The following EIF2AK4 variants were observed in gnomAD, a reference collection of about 807,000 sequenced individuals.
EIF2AK4 encodes eukaryotic translation initiation factor 2 alpha kinase 4, also known as eIF-2-alpha kinase GCN2.
A neutral mutation model predicts 211.1 loss-of-function variants in EIF2AK4; 139 were observed. The ratio of observed to expected loss-of-function variants is 0.66; its 90% CI spans 0.57 to 0.76. The LOEUF (loss-of-function observed/expected upper bound fraction) is 0.76. Among genes scored for constraint, EIF2AK4 ranks in the 30% least tolerant of loss-of-function variants. EIF2AK4 has a pLI of 0.00. For synonymous variants in EIF2AK4, 710 were observed against 751.3 expected (o/e 0.94, Z 0.90); for missense variants, 1,664 against 2,043.8 (o/e 0.81, Z 3.58).
At position 40,017,551 on chromosome 15, in the gene EIF2AK4, A is replaced by ATATATATATATATATG. The variant is rs71132134; in HGVS notation, c.4065+312_4065+313insATATATATATATGTAT. Reference sequence around the variant, plus strand: ...TATATATATATATATATATATATATATATGTATTTTGGAGACAGGGCCTTG... The same window carrying ATATATATATATATATG: ...TATATATATATATATATATATATATATATATATATATATATGTATGTATTTTGGAGACAGGGCCTTG... On this transcript the variant is annotated intron_variant, in intron 29 of 38. Transcript: ENST00000263791. 4.6e-4 allele frequency among the ~76,000 whole-genome samples: 40 copies of ATATATATATATATATG among 86,948 alleles called. 2 individuals are homozygous for ATATATATATATATATG. Among genetic ancestry groups the ATATATATATATATATG allele is most frequent in the South Asian group, 7.2e-4 (2 of 2,786 alleles). 57.0% of individuals were successfully genotyped at this position (86,948 alleles called of 152,430 possible). A position where few individuals can be genotyped will look rare whatever the true frequency, so the allele number is the denominator to read the frequency against.
Position 39,946,834 on chromosome 15 carries a change from G to A in EIF2AK4, c.361-2282G>A, listed in dbSNP as rs139693039. On this transcript the variant is annotated intron_variant, in intron 3 of 38. Transcript: ENST00000263791. ...CCTCTGTCTGCAAAAAGATTATGAC[G>A]TCCTGAAGGTTCAGATGATCATTAG... 8.9e-3 allele frequency: 5,213 copies of A among 584,340 alleles called. 103 individuals carry two copies. The highest frequency in any genetic ancestry group is 6.2e-3 in the Non-Finnish European group (2,038 of 329,034). 36.2% of individuals were successfully genotyped at this position (584,340 alleles called of 1,614,324 possible).
At chr15:39,987,906 G>T in intron 14 of EIF2AK4, 77 bp from the exon 15 acceptor site, 1 of 1,521,398 alleles carries the variant, frequency 6.6e-7, no homozygotes, top group Non-Finnish European at 9.0e-7. Context: ...TAAAATGGAG[G>T]ATTATGTAAA....
intron 3 of EIF2AK4, among the ~76,000 whole-genome samples, chr15:39,944,493 G>A (rs186582135): frequency 2.1e-5 from 3 of 141,314 alleles, no homozygotes; most frequent in South Asian, 2.3e-4. Context: ...GTGCAATGGC[G>A]CAATCTCGGC....
At chr15:39,946,743 C>A in intron 3 of EIF2AK4, 2 of 680,372 alleles carry the variant, frequency 2.9e-6, no homozygotes. Context: ...TAAGAAATTG[C>A]CGCAACCACC....
chr15:40,025,165 C>G (rs1413381780), intron 32 of EIF2AK4, among the ~76,000 whole-genome samples: 1 of 152,168 alleles, frequency 6.6e-6, no homozygotes, highest in Non-Finnish European at 1.5e-5. Context: ...GGCAGGCCAG[C>G]AGAGAACCAT....
At chr15:39,986,821 CT>C (rs200078670) in intron 14 of EIF2AK4, among the ~76,000 whole-genome samples, 4,314 of 152,316 alleles carry the variant, frequency 0.028, 72 homozygotes, top group African/African-American at 0.039. Flanking sequence ...CATCATTGCA[CT>C]CCAGCTTGGG....
At chr15:39,946,762 C>T (rs564586065) in intron 3 of EIF2AK4, 4 of 660,358 alleles carry the variant, frequency 6.1e-6, no homozygotes, top group African/African-American at 3.5e-5. Context: ...CCCCAGCCTT[C>T]ACCAGCCACC....
chr15:39,962,840 A>G (rs2034491827), intron 7 of EIF2AK4, among the ~76,000 whole-genome samples: 1 of 152,214 alleles, frequency 6.6e-6, no homozygotes, highest in African/African-American at 2.4e-5. Flanking sequence ...CCCTAAATGT[A>G]TGTCATCTTT....
chr15:40,007,535 C>A (rs2035177979), intron 24 of EIF2AK4, among the ~76,000 whole-genome samples: 2 of 152,178 alleles, frequency 1.3e-5, no homozygotes, highest in Non-Finnish European at 2.9e-5. Context: ...GACCTCCAGG[C>A]ACTTAGCCCT....
chr15:39,994,284 T>A (rs2034989990), intron 18 of EIF2AK4, among the ~76,000 whole-genome samples: 1 of 152,224 alleles, frequency 6.6e-6, no homozygotes, highest in Admixed American at 6.5e-5. Flanking sequence ...ATGAGATCAC[T>A]TAGGGCAAGA....
At position 40,011,273 on chromosome 15, in the gene EIF2AK4, C is replaced by A; in HGVS notation, c.3694-8C>A. 6.2e-7 allele frequency: 1 copy of A among 1,612,802 alleles called. No homozygotes were observed. Among genetic ancestry groups the A allele is most frequent in the South Asian group, 1.1e-5 (1 of 90,804 alleles). On this transcript the variant is annotated splice_polypyrimidine_tract_variant and splice_region_variant and intron_variant, in intron 26 of 38. Transcript: ENST00000263791. The stretch of plus-strand genomic sequence containing the variant: ...GACTCTCATTGTTACCTTTTTCTTC[C>A]ACGTTAGACAGAGAAGCTGACGAGG...
intron 35 of EIF2AK4, among the ~76,000 whole-genome samples, chr15:40,031,584 C>T (rs555880811): frequency 3.9e-5 from 6 of 152,256 alleles, no homozygotes; most frequent in African/African-American, 1.2e-4. Flanking sequence ...CACTGCGCTA[C>T]GCCTTTATAA....
intron 19 of EIF2AK4, 50 bp downstream of exon 19, chr15:39,997,115 GCA>G (rs1491385117): frequency 4.7e-6 from 6 of 1,283,320 alleles, no homozygotes; most frequent in Non-Finnish European, 6.8e-6. Context: ...CGGAATCTTA[GCA>G]CAGAGATCAG....
chr15:39,949,709 G>A (rs1171210712), intron 4 of EIF2AK4, among the ~76,000 whole-genome samples: 1 of 151,958 alleles, frequency 6.6e-6, no homozygotes, highest in Admixed American at 6.6e-5. Flanking sequence ...AAATAAGACA[G>A]TTAATATCTA....
chr15:39,972,948 C>T lies in EIF2AK4; in HGVS notation c.1594C>T (p.Gln532Ter). ...TGACAAGGAAAGATGGAGTCCCCAG[C>T]AGTTGTTGAAACACAGCTTTATAAA... ...LDDKERWSPQQLLKHSFINPQ... is the reference protein window; with the variant it reads ...LDDKERWSPQ Residue 532 changes from glutamine to a stop codon, truncating the protein, a stop_gained, in exon 10 of 39, where the codon CAG becomes TAG. Transcript: ENST00000263791. LOFTEE classifies it high-confidence loss of function. The T allele has an allele frequency of 1.2e-6, 2 of 1,614,020 alleles. No individual in the cohort carries two copies. Among genetic ancestry groups the T allele is most frequent in the Non-Finnish European group, 1.7e-6 (2 of 1,179,994 alleles).
At chr15:39,970,301 G>A (rs2034605507) in intron 9 of EIF2AK4, among the ~76,000 whole-genome samples, 1 of 152,092 alleles carries the variant, frequency 6.6e-6, no homozygotes, top group Non-Finnish European at 1.5e-5. Flanking sequence ...TAAAAATACT[G>A]TGCATTCTAG....
At chr15:39,945,343 G>A (rs563087587) in intron 3 of EIF2AK4, among the ~76,000 whole-genome samples, 5 of 152,080 alleles carry the variant, frequency 3.3e-5, no homozygotes, top group African/African-American at 9.6e-5. Flanking sequence ...AGTTTGCCCC[G>A]ACAGTAACAG....
Position 39,961,786 on chromosome 15 carries a change from G to C in EIF2AK4, c.746G>C (p.Arg249Pro). Residue 249 changes from arginine to proline, a missense_variant and splice_region_variant, in exon 7 of 39, where the codon CGA becomes CCA. Around this residue, in one of 7 missense-constraint regions of EIF2AK4, gnomAD observed 641 missense variants for 729.6 expected, o/e 0.88. Coordinates refer to ENST00000263791, the MANE Select transcript of EIF2AK4 (RefSeq NM_001013703.4). ...HRANSSGRSR[R>P]ERQYSVCNSE... Reference sequence around the variant, plus strand: ...TATTGTTCAAATTTATTTTTAAGGCGAGAACGTCAGTATTCTGTATGTAAT... The same window carrying C: ...TATTGTTCAAATTTATTTTTAAGGCCAGAACGTCAGTATTCTGTATGTAAT... 1 of 1,606,934 alleles carries C rather than the reference G, an allele frequency of 6.2e-7. No individual in the cohort carries two copies. The highest frequency in any genetic ancestry group is 8.5e-7 in the Non-Finnish European group (1 of 1,177,104).
chr15:39,953,124 G>T (rs2034343108), intron 4 of EIF2AK4, among the ~76,000 whole-genome samples: 1 of 152,198 alleles, frequency 6.6e-6, no homozygotes. Flanking sequence ...GGGATTACAG[G>T]CATGAGCTAC....
Sources: allele counts gnomAD v4.1 joint callset (sites outside exome capture counted in the v4.1 genomes callset), GRCh38; gene constraint gnomAD v4.1.1; regional missense constraint gnomAD v4.1.1; transcripts MANE v1.5; gene names NCBI Gene and HGNC (gene_info 2026-07-23, HGNC 2026-07-21).